The following ABCA13 variants were observed in gnomAD, a reference collection of about 807,000 sequenced individuals.
ABCA13 encodes the protein ATP-binding cassette sub-family A member 13.
Under a neutral mutation model 478.7 loss-of-function variants are expected in ABCA13, and 476 were observed. The ratio of observed to expected loss-of-function variants is 0.99; its 90% CI spans 0.92 to 1.07. The LOEUF is 1.07. Ranked by LOEUF, ABCA13 falls within the 50% of genes least tolerant of loss-of-function variation. The pLI is 0.00. For synonymous variants in ABCA13, 2,252 were observed against 2,158.9 expected (o/e 1.04, Z -1.20); for missense variants, 6,060 against 5,910.6 (o/e 1.03, Z -0.83).
At chr7:48,209,011 A>G (rs1785282308) in intron 3 of ABCA13, among the ~76,000 whole-genome samples, 1 of 152,144 alleles carries the variant, frequency 6.6e-6, no homozygotes, top group South Asian at 2.1e-4. Context: ...TGTATCATAA[A>G]GGAATGTTGA....
At chr7:48,636,238 A>G (rs1026566383) in intron 59 of ABCA13, among the ~76,000 whole-genome samples, 1 of 152,134 alleles carries the variant, frequency 6.6e-6, no homozygotes, top group Non-Finnish European at 1.5e-5. Flanking sequence ...TTTATCAATC[A>G]CTCTAGCACA....
chr7:48,620,811 T>G (rs1340963374), intron 59 of ABCA13, among the ~76,000 whole-genome samples: 1 of 152,010 alleles, frequency 6.6e-6, no homozygotes, highest in Non-Finnish European at 1.5e-5. Context: ...GGCACAAGGA[T>G]GGGTAGAGGG....
intron 35 of ABCA13, among the ~76,000 whole-genome samples, chr7:48,387,071 C>T (rs1046846522): frequency 2.0e-5 from 3 of 151,820 alleles, no homozygotes; most frequent in Non-Finnish European, 4.4e-5. Flanking sequence ...TTAGAATGTG[C>T]GAGGGCTTGC....
At chr7:48,580,401 A>G (rs1331536004) in intron 56 of ABCA13, 27 bp downstream of exon 56, 2 of 1,599,974 alleles carry the variant, frequency 1.3e-6, no homozygotes, top group African/African-American at 2.7e-5. Flanking sequence ...TCTTCTAGAT[A>G]AAGGGACCCA....
At chr7:48,268,233 T>G (rs1191912867) in intron 15 of ABCA13, among the ~76,000 whole-genome samples, 2 of 152,132 alleles carry the variant, frequency 1.3e-5, no homozygotes, top group Non-Finnish European at 2.9e-5. Context: ...CTTGGCTCAC[T>G]GCAATCTCCC....
chr7:48,172,885 T>A (rs1010120412), intron 1 of ABCA13, among the ~76,000 whole-genome samples: 1 of 150,628 alleles, frequency 6.6e-6, no homozygotes, highest in African/African-American at 2.5e-5. Context: ...TGATTGTTAG[T>A]GTGTTCGTGT....
intron 41 of ABCA13, among the ~76,000 whole-genome samples, chr7:48,421,817 T>C (rs1820775690): frequency 1.3e-5 from 2 of 152,156 alleles, no homozygotes; most frequent in African/African-American, 4.8e-5. Context: ...CCAATCCAAT[T>C]ACACAGCATT....
intron 3 of ABCA13, among the ~76,000 whole-genome samples, chr7:48,213,425 A>G (rs1298147886): frequency 1.3e-5 from 2 of 152,244 alleles, no homozygotes; most frequent in Non-Finnish European, 2.9e-5. Flanking sequence ...TAACTTAAAT[A>G]AAGGAACACT....
chr7:48,463,279 A>C (rs1826466495), intron 43 of ABCA13, among the ~76,000 whole-genome samples: 1 of 152,178 alleles, frequency 6.6e-6, no homozygotes, highest in Non-Finnish European at 1.5e-5. Context: ...GTTGCCTATC[A>C]ACTGGACGAA....
intron 51 of ABCA13, among the ~76,000 whole-genome samples, chr7:48,511,745 G>A (rs1052302695): frequency 3.3e-5 from 5 of 151,792 alleles, no homozygotes; most frequent in African/African-American, 4.8e-5. Flanking sequence ...ATATCTATCC[G>A]GTATCAGGAT....
intron 31 of ABCA13, among the ~76,000 whole-genome samples, chr7:48,365,951 C>T (rs1467705681): frequency 6.6e-6 from 1 of 151,994 alleles, no homozygotes; most frequent in Non-Finnish European, 1.5e-5. Flanking sequence ...CCAATACAAT[C>T]CTTATTAAAA....
chr7:48,272,939 A>G lies in ABCA13; in HGVS notation c.3273A>G (p.Val1091=). Reference sequence around the variant, plus strand: ...TGAGCCAATTCTTCAACAGTTCAGTAGAAGACCTATTGGATAATAAATGCT... The same window carrying G: ...TGAGCCAATTCTTCAACAGTTCAGTGGAAGACCTATTGGATAATAAATGCT... ...QYMSQFFNSS[V]EDLLDNKCLI... is the part of the protein sequence containing the mutation. Residue 1091 remains valine (V), a synonymous_variant, in exon 17 of 62, where the codon GTA becomes GTG. Transcript: ENST00000435803. 2 of 1,613,148 alleles carry G rather than the reference A, an allele frequency of 1.2e-6. No individual in the cohort carries two copies. Among genetic ancestry groups the G allele is most frequent in the South Asian group, 1.1e-5 (1 of 91,004 alleles).
intron 42 of ABCA13, among the ~76,000 whole-genome samples, chr7:48,435,724 C>G (rs117383121): frequency 0.028 from 4,224 of 151,680 alleles, 77 homozygotes; most frequent in Non-Finnish European, 0.041. Flanking sequence ...TTTATCATAA[C>G]AAAGTGCTGA....
intron 13 of ABCA13, 79 bp from the exon 14 acceptor site, chr7:48,248,160 C>A: frequency 2.5e-6 from 3 of 1,215,770 alleles, no homozygotes; most frequent in Non-Finnish European, 2.3e-6. Context: ...TTTAGTGATA[C>A]AGGGTCAAGG....
rs754092794 is a variant in ABCA13, at chr7:48,528,224, G to GTT, written c.14245-10_14245-9dup. 1.9e-6 allele frequency: 3 copies of GTT among 1,554,388 alleles called. No homozygotes were observed. The South Asian group carries it at 3.6e-5, about 18-fold the overall frequency. Reference sequence around the variant, plus strand: ...GATTGAATGTGCTTTACTTAACTTTGTTTCCTCTTAGTGCTTTGGACTTCT... The same window carrying GTT: ...GATTGAATGTGCTTTACTTAACTTTGTTTTTCCTCTTAGTGCTTTGGACTTCT... On this transcript the variant is annotated splice_polypyrimidine_tract_variant and intron_variant, in intron 54 of 61. Coordinates refer to ENST00000435803, the MANE Select transcript of ABCA13 (RefSeq NM_152701.5).
chr7:48,370,447 A>C (rs901152920), intron 32 of ABCA13, among the ~76,000 whole-genome samples: 3 of 152,118 alleles, frequency 2.0e-5, no homozygotes, highest in Non-Finnish European at 4.4e-5. Flanking sequence ...GTAGTGGTGA[A>C]AGTGGGCATC....
chr7:48,242,981 C>T (rs1405364114), intron 10 of ABCA13: 1 of 152,262 alleles, frequency 6.6e-6, no homozygotes, highest in East Asian at 1.9e-4. Flanking sequence ...TGCCTTTTCT[C>T]CTCCAGGTTC....
At chr7:48,353,965 A>C (rs1378706364) in intron 31 of ABCA13, among the ~76,000 whole-genome samples, 1 of 152,006 alleles carries the variant, frequency 6.6e-6, no homozygotes, top group Non-Finnish European at 1.5e-5. Context: ...GAACATTTTC[A>C]ACCTGTGATT....
intron 58 of ABCA13, among the ~76,000 whole-genome samples, chr7:48,610,389 C>T (rs904320230): frequency 6.6e-6 from 1 of 152,224 alleles, no homozygotes; most frequent in African/African-American, 2.4e-5. Context: ...CCCTGTGGTT[C>T]TGTGGGGCTC....
Sources: gnomAD v4.1 joint callset for allele counts (sites outside exome capture counted in the v4.1 genomes callset) on GRCh38, gnomAD v4.1.1 for gene constraint, MANE v1.5 for transcripts, NCBI Gene and HGNC (gene_info 2026-07-23, HGNC 2026-07-21) for gene names.